SPG21: variants seen among roughly 807,000 people sequenced by gnomAD.
SPG21 encodes SPG21 abhydrolase domain containing, maspardin, also known as maspardin.
SPG21 carries 26 observed loss-of-function variants against 38.9 expected under a neutral mutation model. The ratio of observed to expected loss-of-function variants is 0.67; its 90% CI spans 0.49 to 0.93. The LOEUF (loss-of-function observed/expected upper bound fraction) is 0.93, where lower values mean the gene tolerates loss of function less well. SPG21 is among the 40% of genes least tolerant of loss of function. The probability of loss-of-function intolerance (pLI) is 0.00; values close to 1 mark genes in which losing one functional copy is unlikely to be tolerated. For missense variants in SPG21, 333 were observed against 376.5 expected, an observed-to-expected ratio of 0.88 and a Z score of 0.96; for synonymous variants, 136 against 128.9, an observed-to-expected ratio of 1.05 and a Z score of -0.37.
rs912253018 is a variant in SPG21 at position 64,980,947 on chromosome 15, A to C, written c.142T>G (p.Phe48Val). The change falls in exon 3 of 9, where the codon TTC becomes GTC. Residue 48 changes from phenylalanine to valine, a missense_variant. Phe to Val is a conservative substitution (Grantham distance 50). Coordinates refer to ENST00000204566, the MANE Select transcript of SPG21 (RefSeq NM_016630.7). ...GPRSIRCPLI[F>V]LPPVSGTADV... Reference sequence around the variant, plus strand: ...GCAGTTCCACTGACAGGGGGCAGGAATATGAGAGGACACCTGATACTTCGG... The same window carrying C: ...GCAGTTCCACTGACAGGGGGCAGGACTATGAGAGGACACCTGATACTTCGG... 1 of 1,614,078 alleles carries C rather than the reference A, an allele frequency of 6.2e-7. No individual in the cohort carries two copies. Among genetic ancestry groups the C allele is most frequent in the African/African-American group, 1.3e-5 (1 of 74,924 alleles).
intron 3 of SPG21, 124 bp downstream of exon 3, chr15:64,980,736 TCAAC>T: frequency 1.3e-6 from 1 of 761,712 alleles, no homozygotes; most frequent in Non-Finnish European, 2.0e-6. Context: ...AGAATCCATC[TCAAC>T]AAACAAACAA....
At chr15:64,965,654 T>C (rs1430672178) in intron 7 of SPG21, among the ~76,000 whole-genome samples, 194 bp from the exon 8 acceptor site, 1 of 152,168 alleles carries the variant, frequency 6.6e-6, no homozygotes, top group Non-Finnish European at 1.5e-5. Flanking sequence ...CCCTGGTGAC[T>C]TATAACTCCA....
At chr15:64,968,324 AGT>A (rs2085585260) in intron 7 of SPG21, among the ~76,000 whole-genome samples, 1 of 130,404 alleles carries the variant, frequency 7.7e-6, no homozygotes, top group South Asian at 2.6e-4. Context: ...TGGGGAACAG[AGT>A]GAGACCCTGT....
chr15:64,969,687 G>GTTTTT (rs74643667), intron 6 of SPG21, among the ~76,000 whole-genome samples: 1 of 126,528 alleles, frequency 7.9e-6, no homozygotes, highest in African/African-American at 2.6e-5. Context: ...ATATGTTTTT[G>GTTTTT]TTTTTTTTTT....
At chr15:64,977,308 A>G (rs908839054) in intron 3 of SPG21, among the ~76,000 whole-genome samples, 6 of 151,790 alleles carry the variant, frequency 4.0e-5, no homozygotes, top group African/African-American at 1.5e-4. Context: ...CAAGTGATCT[A>G]ACTGCCTTGG....
chr15:64,981,204 A>G lies in SPG21; in HGVS notation c.64-179T>C, dbSNP rs74644731. On this transcript the variant is annotated intron_variant, in intron 2 of 8. Coordinates refer to ENST00000204566, the MANE Select transcript of SPG21 (RefSeq NM_016630.7). Reference sequence around the variant, plus strand: ...TCCTCTGATCTCCTTTTCTTTCCTCAGGGCTAACGTATTCCACAGAACTAC... The same window carrying G: ...TCCTCTGATCTCCTTTTCTTTCCTCGGGGCTAACGTATTCCACAGAACTAC... The G allele has an allele frequency of 2.4e-3, 1,596 of 666,808 alleles. 11 individuals are homozygous for G. The African/African-American group carries it at 0.026, about 11-fold the overall frequency. 41.3% of individuals were successfully genotyped at this position (666,808 alleles called of 1,614,324 possible).
rs1308815893 is a variant in SPG21, at chr15:64,989,899, C to T, written c.-259G>A. 2.6e-5 allele frequency: 4 copies of T among 152,136 alleles called. No individual in the cohort carries two copies. The highest frequency in any genetic ancestry group is 4.4e-5 in the Non-Finnish European group (3 of 68,018). 9.4% of individuals were successfully genotyped at this position (152,136 alleles called of 1,614,324 possible). ...CTCCCCCCGCCCGACCGCCGCTCAG[C>T]TGGCGCGAGACTCCCGCTTCCGGGT... On this transcript the variant is annotated 5_prime_UTR_variant, in exon 1 of 9. Coordinates refer to ENST00000204566, the MANE Select transcript of SPG21 (RefSeq NM_016630.7).
Position 64,989,496 on chromosome 15 carries a change from GAC to G in SPG21, c.-25+167_-25+168del, listed in dbSNP as rs556900299. On this transcript the variant is annotated intron_variant, in intron 1 of 8. Transcript: ENST00000204566. ...ACCCCACAGCCCAGATTCGGCCCCA[GAC>G]ACACACTCACAAGGGCACGTGATCA... 1,177 of 153,094 alleles carry G rather than the reference GAC, an allele frequency of 7.7e-3. 8 individuals carry two copies. The highest frequency in any genetic ancestry group is 0.02 in the Middle Eastern group (6 of 298). 9.5% of individuals were successfully genotyped at this position (153,094 alleles called of 1,614,324 possible). A position where few individuals can be genotyped will look rare whatever the true frequency, so the allele number is the denominator to read the frequency against.
chr15:64,963,674 G>A lies in SPG21; in HGVS notation c.873C>T (p.Ala291=), dbSNP rs1595864905. 10 of 1,614,116 alleles carry A rather than the reference G, an allele frequency of 6.2e-6. No homozygotes were observed. The highest frequency in any genetic ancestry group is 2.7e-5 in the African/African-American group (2 of 75,018). ...YAAIDPSMVS[A]EELEVQKGSL... ...TGCCTTTCTGCACCTCAAGCTCCTC[G>A]GCACTGACCATTGATGGGTCAATGG... Residue 291 remains alanine, a synonymous_variant, in exon 9 of 9, where the codon GCC becomes GCT. Coordinates refer to ENST00000204566, the MANE Select transcript of SPG21 (RefSeq NM_016630.7).
chr15:64,963,586 C>G lies in SPG21; in HGVS notation c.*34G>C, dbSNP rs1169014801. 1 of 1,568,552 alleles carries G rather than the reference C, an allele frequency of 6.4e-7. No individual in the cohort carries two copies. Among genetic ancestry groups the G allele is most frequent in the South Asian group, 1.1e-5 (1 of 90,146 alleles). On this transcript the variant is annotated 3_prime_UTR_variant, in exon 9 of 9. Transcript: ENST00000204566. ...ATGCCACTGACTATACAAGAACACA[C>G]CGGGTCAACTCATCATTGACAGCGA...
chr15:64,974,074 A>C (rs1007919986), intron 5 of SPG21, among the ~76,000 whole-genome samples: 3 of 151,870 alleles, frequency 2.0e-5, no homozygotes, highest in African/African-American at 7.3e-5. Context: ...ATATTAATGA[A>C]TATTAAACAA....
At position 64,974,688 on chromosome 15, in the gene SPG21, A is replaced by T. The variant is rs2085741779; in HGVS notation, c.366T>A (p.Thr122=). 6.2e-7 allele frequency: 1 copy of T among 1,614,186 alleles called. No homozygotes were observed. The highest frequency in any genetic ancestry group is 8.5e-7 in the Non-Finnish European group (1 of 1,180,034). Residue 122 remains threonine (T), a synonymous_variant, in exon 5 of 9, where the codon ACT becomes ACA. Transcript: ENST00000204566. ...GGGAATGGACTCTAGGAGATTTGTG[A>T]GTGTATTCAGCAAATTTCTGGGCCA... ...GFLAQKFAEY[T]HKSPRVHSLI...
intron 3 of SPG21, 146 bp from the exon 4 acceptor site, chr15:64,976,701 C>G: frequency 1.5e-6 from 1 of 645,902 alleles, no homozygotes; most frequent in Non-Finnish European, 2.7e-6. Flanking sequence ...AATAAGCTCT[C>G]ACTTTTTACT....
At chr15:64,975,216 A>G (rs4430694) in intron 4 of SPG21, among the ~76,000 whole-genome samples, 51,894 of 150,662 alleles carry the variant, frequency 0.34, 9,985 homozygotes, top group South Asian at 0.5. Context: ...TGAACCTGGC[A>G]GGCGGAGGTT....
At chr15:64,964,201 C>A (rs1369647534) in intron 8 of SPG21, among the ~76,000 whole-genome samples, 3 of 152,142 alleles carry the variant, frequency 2.0e-5, no homozygotes, top group African/African-American at 7.2e-5. Flanking sequence ...AGAGAAAAGT[C>A]AAACAATTTT....
rs559925305 is a variant in SPG21 at position 64,982,289 on chromosome 15, C to T, written c.63+1218G>A. Among the ~76,000 whole-genome samples the T allele has an allele frequency of 1.4e-4, 22 of 152,016 alleles. No homozygotes were observed. In the South Asian group the frequency reaches 3.9e-3, roughly 27 times the overall value. ...CCTCCTGAGTGTCCGGGACTACAGG[C>T]GTGCACCAACACGCCCAGTTAATTT... On this transcript the variant is annotated intron_variant, in intron 2 of 8. Transcript: ENST00000204566.
chr15:64,972,786 C>T lies in SPG21; in HGVS notation c.452+1816G>A, dbSNP rs551545950. Among the ~76,000 whole-genome samples the T allele has an allele frequency of 3.3e-4, 51 of 152,262 alleles. 1 individual carries two copies. Among genetic ancestry groups the T allele is most frequent in the Middle Eastern group, 6.8e-3 (2 of 294 alleles). ...GGCAGAGCTTGCAGTGAGCTGAGATCGTGCCACTGCACTCCAGCCTGGGCG... is the reference window on the plus strand; with the variant it reads ...GGCAGAGCTTGCAGTGAGCTGAGATTGTGCCACTGCACTCCAGCCTGGGCG... On this transcript the variant is annotated intron_variant, in intron 5 of 8. Coordinates refer to ENST00000204566, the MANE Select transcript of SPG21 (RefSeq NM_016630.7).
In SPG21 at chr15:64,964,639, CT is replaced by C. The variant is rs528465945; in HGVS notation, c.810+680del. On this transcript the variant is annotated intron_variant, in intron 8 of 8. Transcript: ENST00000204566. ...GTTTGTTAGGGCTTTCTTTTCTTTT[CT>C]TTTTTTTTGAGACGGAGTCTTGTTC... is the stretch of plus-strand genomic sequence containing the variant. Among the ~76,000 whole-genome samples, 8 of 134,300 alleles carry C rather than the reference CT, an allele frequency of 6.0e-5. No individual in the cohort carries two copies. In the South Asian group the frequency reaches 8.5e-4, roughly 14 times the overall value. The allele number at this position is 134,300 out of a possible 152,430, so 88.1% of individuals were successfully genotyped here.
chr15:64,981,352 C>T (rs1301128603), intron 2 of SPG21: 13 of 297,984 alleles, frequency 4.4e-5, no homozygotes, highest in South Asian at 1.3e-4. Context: ...TGCAGTGGCA[C>T]GATCTTGGCT....
Sources: gnomAD v4.1 joint callset for allele counts (sites outside exome capture counted in the v4.1 genomes callset) on GRCh38, gnomAD v4.1.1 for gene constraint, MANE v1.5 for transcripts, NCBI Gene and HGNC (gene_info 2026-07-23, HGNC 2026-07-21) for gene names.